DCC: variants seen among roughly 807,000 people sequenced by gnomAD.
DCC encodes the protein netrin receptor DCC.
Under a neutral mutation model 172.5 loss-of-function variants are expected in DCC, and 58 were observed. The ratio of observed to expected loss-of-function variants is 0.34; its 90% CI spans 0.27 to 0.42. DCC has a LOEUF of 0.42. Among genes scored for constraint, DCC ranks in the 10% least tolerant of loss-of-function variants. The probability of loss-of-function intolerance (pLI) is 1.00; values close to 1 mark genes in which losing one functional copy is unlikely to be tolerated. For synonymous variants in DCC, 709 were observed against 644.5 expected (o/e 1.10, Z -1.52); for missense variants, 1,740 against 1,791.0 (o/e 0.97, Z 0.51).
chr18:52,758,507 T>C (rs946594415), intron 2 of DCC, among the ~76,000 whole-genome samples: 1 of 152,150 alleles, frequency 6.6e-6, no homozygotes, highest in Admixed American at 6.5e-5. Context: ...TTTTAAAAAA[T>C]AATTAATTAC....
At chr18:53,039,943 C>T (rs998114076) in intron 5 of DCC, among the ~76,000 whole-genome samples, 1 of 151,796 alleles carries the variant, frequency 6.6e-6, no homozygotes, top group Admixed American at 6.6e-5. Context: ...CTGCAGTGCC[C>T]AACACAATGC....
intron 27 of DCC, among the ~76,000 whole-genome samples, chr18:53,520,953 A>G (rs2046392601): frequency 6.6e-6 from 1 of 152,116 alleles, no homozygotes; most frequent in East Asian, 1.9e-4. Context: ...GAACTCTGGG[A>G]GGCTGTTTAA....
intron 2 of DCC, among the ~76,000 whole-genome samples, chr18:52,846,967 G>A (rs2038904056): frequency 2.0e-5 from 3 of 152,066 alleles, no homozygotes. Context: ...TAAGAAGTCA[G>A]CCTGCCTGAC....
intron 5 of DCC, among the ~76,000 whole-genome samples, chr18:52,995,898 T>A (rs2041469919): frequency 6.6e-6 from 1 of 150,886 alleles, no homozygotes; most frequent in African/African-American, 2.4e-5. Context: ...TGTTTCTGTC[T>A]CCTGCTTTTT....
At chr18:53,433,919 T>C (rs1911786721) in intron 21 of DCC, among the ~76,000 whole-genome samples, 1 of 152,224 alleles carries the variant, frequency 6.6e-6, no homozygotes, top group East Asian at 1.9e-4. Flanking sequence ...TATTGCTTGC[T>C]AGAAATTTGA....
At chr18:53,244,825 A>G (rs905842191) in intron 12 of DCC, among the ~76,000 whole-genome samples, 3 of 152,072 alleles carry the variant, frequency 2.0e-5, no homozygotes, top group African/African-American at 7.2e-5. Flanking sequence ...ATTTATCTTT[A>G]CCCCAGAATC....
rs71175513 is a variant in DCC at position 52,652,711 on chromosome 18, A to AGTGTGTGTGTGTGTGTGTGTGTGTGT, written c.92-99339_92-99314dup. On this transcript the variant is annotated intron_variant, in intron 1 of 28. Transcript: ENST00000442544. The stretch of plus-strand genomic sequence containing the variant: ...GTACATTACAACAGGACTGCAATAA[A>AGTGTGTGTGTGTGTGTGTGTGTGTGT]GTGTGTGTGTGTGTGTGTGTGTGTG... Among the ~76,000 whole-genome samples the AGTGTGTGTGTGTGTGTGTGTGTGTGT allele has an allele frequency of 4.7e-3, 668 of 143,360 alleles. 7 individuals carry two copies. Among genetic ancestry groups the AGTGTGTGTGTGTGTGTGTGTGTGTGT allele is most frequent in the African/African-American group, 0.017 (631 of 37,586 alleles). The allele number at this position is 143,360 out of a possible 152,430, so 94.0% of individuals were successfully genotyped here. A position where few individuals can be genotyped will look rare whatever the true frequency, so the allele number is the denominator to read the frequency against.
intron 23 of DCC, among the ~76,000 whole-genome samples, chr18:53,456,584 C>G (rs1190850254): frequency 6.6e-6 from 1 of 152,166 alleles, no homozygotes; most frequent in Admixed American, 6.5e-5. Flanking sequence ...TAGACAGATT[C>G]ACCTGGAGAG....
intron 1 of DCC, among the ~76,000 whole-genome samples, chr18:52,367,258 G>A (rs1984919666): frequency 6.6e-6 from 1 of 152,314 alleles, no homozygotes; most frequent in South Asian, 2.1e-4. Flanking sequence ...AGTGCCGCAC[G>A]CAGCCCCGGT....
At chr18:52,714,209 T>C (rs1259006292) in intron 1 of DCC, among the ~76,000 whole-genome samples, 1 of 152,176 alleles carries the variant, frequency 6.6e-6, no homozygotes, top group Non-Finnish European at 1.5e-5. Flanking sequence ...GACCACAGGG[T>C]CCATGGCAAT....
intron 1 of DCC, among the ~76,000 whole-genome samples, chr18:52,725,505 G>T (rs762382105): frequency 3.9e-5 from 6 of 152,174 alleles, no homozygotes; most frequent in Non-Finnish European, 7.3e-5. Context: ...GTGCCATGCG[G>T]GCTGCCACAC....
Position 52,752,115 on chromosome 18 carries a change from A to G in DCC, c.153A>G (p.Thr51=). 1 of 1,614,148 alleles carries G rather than the reference A, an allele frequency of 6.2e-7. No individual in the cohort carries two copies. ...TCTCAGAACCTTCTGATGCCGTCAC[A>G]ATGCGGGGAGGAAATGTCCTCCTCG... ...RFLSEPSDAV[T]MRGGNVLLDC... Residue 51 remains threonine, a synonymous_variant, in exon 2 of 29, where the codon ACA becomes ACG. Coordinates refer to ENST00000442544, the MANE Select transcript of DCC (RefSeq NM_005215.4).
intron 1 of DCC, among the ~76,000 whole-genome samples, chr18:52,418,758 A>G (rs772978391): frequency 6.6e-6 from 1 of 152,042 alleles, no homozygotes; most frequent in African/African-American, 2.4e-5. Flanking sequence ...CCAATACAAA[A>G]TATCCTAGGA....
chr18:53,117,411 A>T (rs1297346462), intron 7 of DCC, among the ~76,000 whole-genome samples: 1 of 151,690 alleles, frequency 6.6e-6, no homozygotes, highest in Admixed American at 6.6e-5. Flanking sequence ...ATCCAGACCA[A>T]ATTTTACTAC....
At position 53,035,425 on chromosome 18, in the gene DCC, T is replaced by C. The variant is rs569225310; in HGVS notation, c.986-27880T>C. On this transcript the variant is annotated intron_variant, in intron 5 of 28. Coordinates refer to ENST00000442544, the MANE Select transcript of DCC (RefSeq NM_005215.4). ...GATTTTAGATATGGTCTAAAGATTCTGGATTTCACTATCTGCAGTATTACC... is the reference window on the plus strand; with the variant it reads ...GATTTTAGATATGGTCTAAAGATTCCGGATTTCACTATCTGCAGTATTACC... Among the ~76,000 whole-genome samples, 17 of 152,266 alleles carry C rather than the reference T, an allele frequency of 1.1e-4. No individual in the cohort carries two copies. In the South Asian group the frequency reaches 3.3e-3, roughly 30 times the overall value.
chr18:53,283,770 G>C (rs1464382241), intron 12 of DCC, among the ~76,000 whole-genome samples: 2 of 152,162 alleles, frequency 1.3e-5, no homozygotes, highest in East Asian at 3.8e-4. Context: ...CAAAGAACAT[G>C]TGTCATGATT....
chr18:52,720,679 G>C (rs902475823), intron 1 of DCC, among the ~76,000 whole-genome samples: 3 of 152,200 alleles, frequency 2.0e-5, no homozygotes, highest in Admixed American at 2.0e-4. Context: ...GAGATGAAAG[G>C]TGAGAAATTT....
At chr18:53,205,704 A>G (rs1248145491) in intron 10 of DCC, among the ~76,000 whole-genome samples, 1 of 152,148 alleles carries the variant, frequency 6.6e-6, no homozygotes, top group African/African-American at 2.4e-5. Context: ...TATTCCTTAG[A>G]CTAAGGGGTG....
intron 2 of DCC, among the ~76,000 whole-genome samples, chr18:52,842,836 G>C (rs1167099478): frequency 1.3e-5 from 2 of 152,126 alleles, no homozygotes. Flanking sequence ...CTAGGATCCA[G>C]GAATGAAGGA....
Sources: gnomAD v4.1 joint callset for allele counts (sites outside exome capture counted in the v4.1 genomes callset) on GRCh38, gnomAD v4.1.1 for gene constraint, MANE v1.5 for transcripts, NCBI Gene and HGNC (gene_info 2026-07-23, HGNC 2026-07-21) for gene names.